The following ATP6V0A2 variants were observed in gnomAD, a reference collection of about 807,000 sequenced individuals.
ATP6V0A2 encodes the protein V-type proton ATPase 116 kDa subunit a 2.
ATP6V0A2 carries 58 observed loss-of-function variants against 104.4 expected under a neutral mutation model. The ratio of observed to expected loss-of-function variants is 0.56; its 90% CI spans 0.45 to 0.69. The LOEUF is 0.69. Among genes scored for constraint, ATP6V0A2 ranks in the 30% least tolerant of loss-of-function variants. The pLI, the probability that ATP6V0A2 is intolerant of heterozygous loss-of-function variation, is 0.00. For synonymous variants in ATP6V0A2, 376 were observed against 397.9 expected, an observed-to-expected ratio of 0.95 and a Z score of 0.65; for missense variants, 938 against 1,062.9, an observed-to-expected ratio of 0.88 and a Z score of 1.63.
rs181272292 is a variant in ATP6V0A2 at position 123,754,446 on chromosome 12, C to T, written c.2202C>T (p.Thr734=). ...TTAATTTTGGAGAAATATTAATGAC[C>T]CAAGTAATCCATTCCATCGAGTACT... The part of the protein sequence containing the change: ...EEFNFGEILM[T]QVIHSIEYCL... Residue 734 remains threonine, a synonymous_variant, in exon 18 of 20, where the codon ACC becomes ACT. Coordinates refer to ENST00000330342, the MANE Select transcript of ATP6V0A2 (RefSeq NM_012463.4). The T allele has an allele frequency of 1.9e-6, 3 of 1,613,240 alleles. No individual in the cohort carries two copies. Among genetic ancestry groups the T allele is most frequent in the East Asian group, 2.2e-5 (1 of 44,876 alleles).
chr12:123,754,469 A>G lies in ATP6V0A2; in HGVS notation c.2225A>G (p.Tyr742Cys), dbSNP rs1438314966. ...LMTQVIHSIE[Y>C]CLGCISNTAS... ...ACCCAAGTAATCCATTCCATCGAGT[A>G]CTGTCTGGGATGCATCTCCAACACC... Residue 742 changes from tyrosine to cysteine, a missense_variant, in exon 18 of 20, where the codon TAC becomes TGC. Transcript: ENST00000330342. 7 of 1,614,136 alleles carry G rather than the reference A, an allele frequency of 4.3e-6. No individual in the cohort carries two copies. The highest frequency in any genetic ancestry group is 5.9e-6 in the Non-Finnish European group (7 of 1,179,998).
At chr12:123,730,217 GCTA>G (rs1311445712) in intron 6 of ATP6V0A2, among the ~76,000 whole-genome samples, 1 of 151,624 alleles carries the variant, frequency 6.6e-6, no homozygotes, top group Non-Finnish European at 1.5e-5. Flanking sequence ...ACCGCTCCCG[GCTA>G]ATTTTTTGTA....
intron 9 of ATP6V0A2, 82 bp from the exon 10 acceptor site, chr12:123,743,703 G>A (rs759809113): frequency 6.4e-5 from 98 of 1,526,662 alleles, no homozygotes; most frequent in Non-Finnish European, 8.3e-5. Context: ...AAAAAACAAA[G>A]CAGTAACCCA....
intron 7 of ATP6V0A2, 62 bp downstream of exon 7, chr12:123,734,070 T>G: frequency 1.5e-6 from 2 of 1,324,012 alleles, no homozygotes; most frequent in Admixed American, 3.4e-5. Flanking sequence ...CTAGTTTTCC[T>G]TCAACATCCC....
chr12:123,748,973 C>G (rs529856636), intron 15 of ATP6V0A2, among the ~76,000 whole-genome samples, 188 bp downstream of exon 15: 118 of 152,284 alleles, frequency 7.7e-4, no homozygotes, highest in African/African-American at 2.7e-3. Flanking sequence ...ACCAAACTCG[C>G]TGCCACTCAG....
intron 6 of ATP6V0A2, chr12:123,730,669 T>G (rs1334750141): frequency 6.6e-6 from 1 of 152,228 alleles, no homozygotes; most frequent in East Asian, 1.9e-4. Flanking sequence ...AAGTAGCATT[T>G]ACATATTTTT....
At position 123,734,001 on chromosome 12, in the gene ATP6V0A2, T is replaced by C. The variant is rs1156999805; in HGVS notation, c.724T>C (p.Cys242Arg). Residue 242 changes from cysteine (C) to arginine (R), a missense_variant, in exon 7 of 20, where the codon TGT becomes CGT. Cys to Arg is a radical substitution (Grantham distance 180). Transcript: ENST00000330342. The part of the protein sequence containing the change: ...EQIGHKVKKI[C>R]DCYHCHVYPY... ...GATTGGCCACAAGGTTAAGAAGATA[T>C]GTGATTGGTAAGAAAAAGAAACATT... 2.5e-6 allele frequency: 4 copies of C among 1,611,568 alleles called. No individual in the cohort carries two copies. The highest frequency in any genetic ancestry group is 3.4e-6 in the Non-Finnish European group (4 of 1,177,982).
rs773253639 is a variant in ATP6V0A2, at chr12:123,756,969, C to T, written c.2448C>T (p.His816=). The T allele has an allele frequency of 9.9e-6, 16 of 1,614,216 alleles. No individual in the cohort carries two copies. Among genetic ancestry groups the T allele is most frequent in the Admixed American group, 3.3e-5 (2 of 60,024 alleles). ...LIMEGLSAFL[H]AIRLHWVEFQ... is the part of the protein sequence containing the mutation. ...TGGAAGGGCTTTCTGCGTTTCTTCACGCCATACGCCTCCACTGGTGAGTTT... is the reference window on the plus strand; with the variant it reads ...TGGAAGGGCTTTCTGCGTTTCTTCATGCCATACGCCTCCACTGGTGAGTTT... Residue 816 remains histidine (H), a synonymous_variant, in exon 19 of 20, where the codon CAC becomes CAT. Transcript: ENST00000330342.
chr12:123,747,769 T>A, intron 14 of ATP6V0A2, 44 bp downstream of exon 14: 1 of 1,325,170 alleles, frequency 7.5e-7, no homozygotes, highest in Non-Finnish European at 1.1e-6. Context: ...AAACCAAACT[T>A]GGCATTTCTT....
chr12:123,754,329 C>T, intron 17 of ATP6V0A2, 91 bp from the exon 18 acceptor site: 1 of 1,008,140 alleles, frequency 9.9e-7, no homozygotes, highest in Admixed American at 1.7e-5. Flanking sequence ...GCAGCTCTTT[C>T]ATTGTAATCC....
At chr12:123,742,052 T>G (rs1038504253) in intron 9 of ATP6V0A2, among the ~76,000 whole-genome samples, 1 of 152,216 alleles carries the variant, frequency 6.6e-6, no homozygotes, top group African/African-American at 2.4e-5. Flanking sequence ...CCCAGCAGTT[T>G]CTCCTCAGCG....
At chr12:123,721,885 C>T (rs927814472) in intron 2 of ATP6V0A2, among the ~76,000 whole-genome samples, 5 of 152,254 alleles carry the variant, frequency 3.3e-5, no homozygotes, top group East Asian at 1.9e-4. Flanking sequence ...AGGGCATCTG[C>T]GAGAAATCAT....
chr12:123,731,954 A>G (rs974608110), intron 6 of ATP6V0A2: 5 of 152,032 alleles, frequency 3.3e-5, no homozygotes, highest in African/African-American at 1.2e-4. Flanking sequence ...GATCTCACAT[A>G]ATTTTATGAT....
At chr12:123,727,002 A>G (rs1956454063) in intron 5 of ATP6V0A2, among the ~76,000 whole-genome samples, 1 of 152,188 alleles carries the variant, frequency 6.6e-6, no homozygotes, top group Non-Finnish European at 1.5e-5. Flanking sequence ...TTCTCCCTCC[A>G]TCTAGAACCA....
chr12:123,752,183 G>A, intron 16 of ATP6V0A2, 100 bp from the exon 17 acceptor site: 1 of 1,524,388 alleles, frequency 6.6e-7, no homozygotes, highest in Non-Finnish European at 9.0e-7. Flanking sequence ...TATTCTCAAA[G>A]AGCTGAATCA....
intron 2 of ATP6V0A2, among the ~76,000 whole-genome samples, chr12:123,720,747 C>A (rs150707120): frequency 1.3e-5 from 2 of 151,724 alleles, no homozygotes; most frequent in Non-Finnish European, 2.9e-5. Context: ...TTTAGGTGTA[C>A]GCCAGGCATG....
chr12:123,757,064 A>C, intron 19 of ATP6V0A2, 78 bp downstream of exon 19: 4 of 1,455,534 alleles, frequency 2.7e-6, no homozygotes, highest in Non-Finnish European at 3.8e-6. Flanking sequence ...AACCAAATAT[A>C]CACAGCCCCT....
chr12:123,720,462 C>T (rs6488901), intron 2 of ATP6V0A2, among the ~76,000 whole-genome samples: 72,248 of 151,950 alleles, frequency 0.48, 20,061 homozygotes, highest in East Asian at 0.84. Flanking sequence ...TTTGGGAGGC[C>T]AAGGTGGGAG....
At chr12:123,726,752 T>A (rs1403551098) in intron 5 of ATP6V0A2, among the ~76,000 whole-genome samples, 1 of 152,246 alleles carries the variant, frequency 6.6e-6, no homozygotes, top group Non-Finnish European at 1.5e-5. Flanking sequence ...AACTCATATT[T>A]CACAGTTCCT....
Sources: allele counts gnomAD v4.1 joint callset (sites outside exome capture counted in the v4.1 genomes callset), GRCh38; gene constraint gnomAD v4.1.1; transcripts MANE v1.5; gene names NCBI Gene and HGNC (gene_info 2026-07-23, HGNC 2026-07-21).